CREB3L2: variants seen among roughly 807,000 people sequenced by gnomAD.
The protein encoded by CREB3L2 is cyclic AMP-responsive element-binding protein 3-like protein 2.
Under a neutral mutation model 57.2 loss-of-function variants are expected in CREB3L2, and 23 were observed. The observed-to-expected ratio is 0.40, with a 90% CI of 0.29 to 0.57. The LOEUF (loss-of-function observed/expected upper bound fraction) is 0.57. Among genes scored for constraint, CREB3L2 ranks in the 20% least tolerant of loss-of-function variants. The pLI is 0.42. For synonymous variants in CREB3L2, 268 were observed against 265.1 expected (o/e 1.01, Z -0.11); for missense variants, 628 against 634.7 (o/e 0.99, Z 0.11).
intron 8 of CREB3L2, among the ~76,000 whole-genome samples, chr7:137,892,755 C>T (rs1049716629): frequency 5.9e-5 from 9 of 152,208 alleles, no homozygotes; most frequent in African/African-American, 1.9e-4. Flanking sequence ...CCACCCCACC[C>T]GAGTCACATC....
chr7:137,884,754 G>C, intron 10 of CREB3L2: 2 of 623,586 alleles, frequency 3.2e-6, no homozygotes, highest in African/African-American at 1.8e-5. Flanking sequence ...AGGGAACACA[G>C]TCTAGAACAG....
chr7:137,890,321 T>A (rs1799506766), intron 8 of CREB3L2, among the ~76,000 whole-genome samples: 1 of 152,216 alleles, frequency 6.6e-6, no homozygotes, highest in South Asian at 2.1e-4. Flanking sequence ...TCTTGCCTAG[T>A]TAAGGTTCAG....
chr7:137,905,288 T>C (rs1007530188), intron 6 of CREB3L2, among the ~76,000 whole-genome samples: 1 of 147,768 alleles, frequency 6.8e-6, no homozygotes, highest in Admixed American at 6.8e-5. Flanking sequence ...ATATATATAA[T>C]ATATATATAT....
intron 1 of CREB3L2, among the ~76,000 whole-genome samples, chr7:137,956,240 C>T (rs1386640948): frequency 1.3e-5 from 2 of 152,080 alleles, no homozygotes; most frequent in Non-Finnish European, 2.9e-5. Flanking sequence ...CCGAGTGAGA[C>T]GAATAAGCTA....
intron 8 of CREB3L2, among the ~76,000 whole-genome samples, chr7:137,894,983 G>A (rs533359747): frequency 6.6e-6 from 1 of 152,320 alleles, no homozygotes; most frequent in South Asian, 2.1e-4. Context: ...AAGGTGATTA[G>A]CAGTTCAATA....
Position 137,953,494 on chromosome 7 carries a change from C to T in CREB3L2, c.103-25128G>A. On this transcript the variant is annotated intron_variant, in intron 1 of 11. Coordinates refer to ENST00000330387, the MANE Select transcript of CREB3L2 (RefSeq NM_194071.4). ...ATGTTCTTTAAAAAGCGTCAACCATCCCCAACACACGACTCTCCTGAAAGG... is the reference window on the plus strand; with the variant it reads ...ATGTTCTTTAAAAAGCGTCAACCATTCCCAACACACGACTCTCCTGAAAGG... 2.3e-6 allele frequency: 3 copies of T among 1,289,090 alleles called. 1 individual carries two copies. In the South Asian group the frequency reaches 3.7e-5, roughly 16 times the overall value. The allele number at this position is 1,289,090 out of a possible 1,614,324, so 79.9% of individuals were successfully genotyped here.
intron 1 of CREB3L2, among the ~76,000 whole-genome samples, chr7:137,959,350 G>A (rs1801277719): frequency 6.6e-6 from 1 of 152,256 alleles, no homozygotes; most frequent in African/African-American, 2.4e-5. Context: ...GGTAATGAGT[G>A]ACCCCCAAGG....
At chr7:137,977,199 G>T (rs1262914054) in intron 1 of CREB3L2, among the ~76,000 whole-genome samples, 3 of 152,184 alleles carry the variant, frequency 2.0e-5, no homozygotes, top group African/African-American at 7.2e-5. Flanking sequence ...AAATGGGGTT[G>T]CAGGGCTTCT....
intron 4 of CREB3L2, among the ~76,000 whole-genome samples, 180 bp from the exon 5 acceptor site, chr7:137,908,616 T>C (rs1342516440): frequency 6.6e-6 from 1 of 152,066 alleles, no homozygotes; most frequent in African/African-American, 2.4e-5. Context: ...AAAGAGGATA[T>C]AGACCCACAT....
At chr7:137,915,017 G>A (rs986956840) in intron 3 of CREB3L2, among the ~76,000 whole-genome samples, 1 of 152,068 alleles carries the variant, frequency 6.6e-6, no homozygotes, top group African/African-American at 2.4e-5. Context: ...ATGAGCCACC[G>A]TGCCCGGCTG....
chr7:137,945,643 A>C (rs576855390), intron 1 of CREB3L2, among the ~76,000 whole-genome samples: 94 of 152,380 alleles, frequency 6.2e-4, no homozygotes, highest in African/African-American at 2.2e-3. Context: ...TTACATAGGC[A>C]GAAATCTGCT....
At chr7:137,931,318 C>G (rs778776804) in intron 1 of CREB3L2, among the ~76,000 whole-genome samples, 5 of 151,402 alleles carry the variant, frequency 3.3e-5, no homozygotes, top group South Asian at 2.1e-4. Context: ...GTCAGGAGAT[C>G]GAGACCATCC....
intron 5 of CREB3L2, among the ~76,000 whole-genome samples, chr7:137,907,294 T>TC (rs1799912638): frequency 6.6e-6 from 1 of 152,188 alleles, no homozygotes; most frequent in African/African-American, 2.4e-5. Context: ...TGGGCAAGCA[T>TC]CCGACATGGG....
At chr7:137,906,730 T>A (rs1799897920) in intron 5 of CREB3L2, among the ~76,000 whole-genome samples, 1 of 152,220 alleles carries the variant, frequency 6.6e-6, no homozygotes. Context: ...GGTGAGTCTT[T>A]CCCATGCTGC....
intron 1 of CREB3L2, among the ~76,000 whole-genome samples, chr7:137,991,891 G>A (rs927657068): frequency 7.1e-6 from 1 of 140,318 alleles, no homozygotes; most frequent in African/African-American, 2.7e-5. Context: ...CTGGGCAACA[G>A]AGCAAGACTC....
chr7:137,949,020 G>C (rs1020685413), intron 1 of CREB3L2, among the ~76,000 whole-genome samples: 1 of 152,198 alleles, frequency 6.6e-6, no homozygotes, highest in African/African-American at 2.4e-5. Context: ...TTCCAAACAT[G>C]TTTACATGAA....
chr7:137,987,275 CCT>C (rs1392201172), intron 1 of CREB3L2, among the ~76,000 whole-genome samples: 1 of 152,208 alleles, frequency 6.6e-6, no homozygotes, highest in Non-Finnish European at 1.5e-5. Context: ...ACATCTACTG[CCT>C]AAGTCATCTG....
chr7:137,927,261 C>CGGAAAGGAAAGGAAAGGAAAGGAAA (rs71177929), intron 2 of CREB3L2, among the ~76,000 whole-genome samples: 2 of 114,838 alleles, frequency 1.7e-5, no homozygotes, highest in African/African-American at 6.4e-5. Flanking sequence ...CGGAACAGAA[C>CGGAAAGGAAAGGAAAGGAAAGGAAA]GGAAAGGAAA....
At chr7:137,931,460 T>G (rs1285819037) in intron 1 of CREB3L2, among the ~76,000 whole-genome samples, 1 of 147,904 alleles carries the variant, frequency 6.8e-6, no homozygotes, top group Non-Finnish European at 1.5e-5. Flanking sequence ...AGGCGGAGCT[T>G]GCAGTGAGCC....
Sources: gnomAD v4.1 joint callset for allele counts (sites outside exome capture counted in the v4.1 genomes callset) on GRCh38, gnomAD v4.1.1 for gene constraint, MANE v1.5 for transcripts, NCBI Gene and HGNC (gene_info 2026-07-23, HGNC 2026-07-21) for gene names.